Variants in PDE7B observed in about 807,000 individuals in gnomAD.
PDE7B encodes the protein phosphodiesterase 7B.
In PDE7B, 29 loss-of-function variants were observed where a neutral mutation model predicts 56.2. The observed-to-expected ratio is 0.52, with a 90% CI of 0.38 to 0.70. The LOEUF (loss-of-function observed/expected upper bound fraction) is 0.70, where lower values mean the gene tolerates loss of function less well. Ranked by LOEUF, PDE7B falls within the 30% of genes least tolerant of loss-of-function variation. PDE7B has a pLI of 0.00. For synonymous variants in PDE7B, 197 were observed against 196.9 expected, an observed-to-expected ratio of 1.00 and a Z score of 0.00; for missense variants, 490 against 565.0, an observed-to-expected ratio of 0.87 and a Z score of 1.35.
chr6:136,037,614 GT>G (rs1180821421), intron 2 of PDE7B: 20 of 985,304 alleles, frequency 2.0e-5, no homozygotes, highest in South Asian at 4.7e-5. Context: ...AGCTTCCTCT[GT>G]TTTTTTGAGA....
chr6:135,947,575 A>C, intron 2 of PDE7B, 51 bp downstream of exon 2: 1 of 1,350,764 alleles, frequency 7.4e-7, no homozygotes, highest in Non-Finnish European at 1.1e-6. Flanking sequence ...TGTCATGTGG[A>C]GTTATCATTC....
At chr6:136,031,825 A>G (rs1231209942) in intron 2 of PDE7B, among the ~76,000 whole-genome samples, 2 of 151,060 alleles carry the variant, frequency 1.3e-5, no homozygotes, top group African/African-American at 2.4e-5. Context: ...AAATCTTTCT[A>G]TATCTTATTA....
chr6:136,194,172 G>A lies in PDE7B; in HGVS notation c.*2332G>A, dbSNP rs548689554. ...TTAATGTATATGAGGTCAAATCAAGGAAGGCAATTGCTGGGGACAAGAAAA... is the reference window on the plus strand; with the variant it reads ...TTAATGTATATGAGGTCAAATCAAGAAAGGCAATTGCTGGGGACAAGAAAA... On this transcript the variant is annotated 3_prime_UTR_variant, in exon 13 of 13. Transcript: ENST00000308191. The A allele has an allele frequency of 1.3e-4, 20 of 152,218 alleles. No homozygotes were observed. Among genetic ancestry groups the A allele is most frequent in the Non-Finnish European group, 8.8e-5 (6 of 68,000 alleles). 9.4% of individuals were successfully genotyped at this position (152,218 alleles called of 1,614,324 possible). A position where few individuals can be genotyped will look rare whatever the true frequency, so the allele number is the denominator to read the frequency against.
At chr6:135,903,451 A>G (rs1421837294) in intron 1 of PDE7B, among the ~76,000 whole-genome samples, 2 of 152,168 alleles carry the variant, frequency 1.3e-5, no homozygotes, top group African/African-American at 4.8e-5. Flanking sequence ...TACTCAGTTT[A>G]GTGTCTGAGC....
chr6:136,089,020 C>A lies in PDE7B; in HGVS notation c.83-19711C>A, dbSNP rs545842845. On this transcript the variant is annotated intron_variant, in intron 2 of 12. Transcript: ENST00000308191. Reference sequence around the variant, plus strand: ...CAAAAAAAAAAAGAAACACGGGGAACTATCAGATATTCTTTCTCACCTAGA... The same window carrying A: ...CAAAAAAAAAAAGAAACACGGGGAAATATCAGATATTCTTTCTCACCTAGA... 3.3e-5 allele frequency among the ~76,000 whole-genome samples: 5 copies of A among 151,874 alleles called. No homozygotes were observed. In the South Asian group the frequency reaches 1.0e-3, roughly 32 times the overall value.
At chr6:136,082,837 A>G (rs905399987) in intron 2 of PDE7B, among the ~76,000 whole-genome samples, 1 of 152,242 alleles carries the variant, frequency 6.6e-6, no homozygotes, top group Non-Finnish European at 1.5e-5. Flanking sequence ...AGAATGTTGG[A>G]AAACAAACAG....
intron 4 of PDE7B, among the ~76,000 whole-genome samples, chr6:136,148,511 C>T (rs1311867107): frequency 1.1e-5 from 1 of 91,242 alleles, no homozygotes; most frequent in Non-Finnish European, 2.2e-5. Context: ...CTAATATATG[C>T]CGTTAGAAAA....
At chr6:135,906,822 T>TTTG (rs1554265679) in intron 1 of PDE7B, among the ~76,000 whole-genome samples, 8 of 145,714 alleles carry the variant, frequency 5.5e-5, no homozygotes, top group African/African-American at 2.1e-4. Context: ...TTTTTTTTTT[T>TTTG]TTTTTTTTTT....
chr6:136,187,261 T>A, intron 12 of PDE7B, 145 bp downstream of exon 12: 1 of 589,428 alleles, frequency 1.7e-6, no homozygotes, highest in Non-Finnish European at 3.0e-6. Flanking sequence ...TCCAAATTAA[T>A]ACTTTAATCA....
chr6:135,966,573 G>A (rs1219554436), intron 2 of PDE7B, among the ~76,000 whole-genome samples: 1 of 152,094 alleles, frequency 6.6e-6, no homozygotes, highest in Non-Finnish European at 1.5e-5. Flanking sequence ...GCTCCCTAGG[G>A]TTGCGATGTG....
rs774046736 is a variant in PDE7B at position 136,073,600 on chromosome 6, G to T, written c.83-35131G>T. On this transcript the variant is annotated intron_variant, in intron 2 of 12. Transcript: ENST00000308191. The stretch of plus-strand genomic sequence containing the variant: ...TCATACAAGTGCACTAGTCATAATG[G>T]ATTAGGGCCTACTCCAGTGGCCTCA... Among the ~76,000 whole-genome samples, 105 of 152,094 alleles carry T rather than the reference G, an allele frequency of 6.9e-4. 1 individual carries two copies. Among genetic ancestry groups the T allele is most frequent in the Non-Finnish European group, 1.0e-3 (69 of 68,032 alleles).
At chr6:135,914,735 C>T (rs1347507011) in intron 1 of PDE7B, among the ~76,000 whole-genome samples, 3 of 46,078 alleles carry the variant, frequency 6.5e-5, no homozygotes, top group Non-Finnish European at 1.0e-4. Context: ...GTGATCCGCC[C>T]GCCTCGGCCT....
chr6:136,028,169 CGTTAA>C (rs1405070753), intron 2 of PDE7B, among the ~76,000 whole-genome samples: 8 of 151,794 alleles, frequency 5.3e-5, no homozygotes, highest in Non-Finnish European at 1.0e-4. Context: ...AGCACTGAGA[CGTTAA>C]GTTAAGAAGT....
At chr6:136,043,078 G>A (rs1301349108) in intron 2 of PDE7B, among the ~76,000 whole-genome samples, 1 of 152,112 alleles carries the variant, frequency 6.6e-6, no homozygotes, top group Non-Finnish European at 1.5e-5. Context: ...TTCAAAGCAG[G>A]ACAAATTGCT....
At chr6:135,902,078 A>G (rs1471345020) in intron 1 of PDE7B, among the ~76,000 whole-genome samples, 1 of 152,186 alleles carries the variant, frequency 6.6e-6, no homozygotes, top group Non-Finnish European at 1.5e-5. Context: ...CCGGACACTA[A>G]GAGGGTTTAC....
intron 1 of PDE7B, among the ~76,000 whole-genome samples, chr6:135,903,973 AT>A (rs757580434): frequency 1.5e-4 from 23 of 152,104 alleles, no homozygotes; most frequent in Non-Finnish European, 3.4e-4. Context: ...GAGTTGCTTT[AT>A]TTTTCCCTTT....
At chr6:136,139,915 T>C (rs1778289258) in intron 3 of PDE7B, among the ~76,000 whole-genome samples, 1 of 152,242 alleles carries the variant, frequency 6.6e-6, no homozygotes, top group Non-Finnish European at 1.5e-5. Context: ...TCCCATTCTG[T>C]AGGTTGCCTG....
chr6:136,016,646 G>A (rs1028826878), intron 2 of PDE7B, among the ~76,000 whole-genome samples: 2 of 152,154 alleles, frequency 1.3e-5, no homozygotes, highest in Admixed American at 6.5e-5. Flanking sequence ...GATCTGCTCC[G>A]GAGCTCCTGG....
chr6:135,972,893 A>AC (rs1775118021), intron 2 of PDE7B, among the ~76,000 whole-genome samples: 1 of 151,762 alleles, frequency 6.6e-6, no homozygotes, highest in Non-Finnish European at 1.5e-5. Flanking sequence ...ACAATCTTTC[A>AC]CCCCCACAAT....
Sources: gnomAD v4.1 joint callset for allele counts (sites outside exome capture counted in the v4.1 genomes callset) on GRCh38, gnomAD v4.1.1 for gene constraint, MANE v1.5 for transcripts, NCBI Gene and HGNC (gene_info 2026-07-23, HGNC 2026-07-21) for gene names.